SMCR8: variants seen among roughly 807,000 people sequenced by gnomAD.
SMCR8 encodes guanine nucleotide exchange protein SMCR8.
SMCR8 carries 30 observed loss-of-function variants against 56.6 expected under a neutral mutation model. The observed-to-expected ratio is 0.53, with a 90% CI of 0.40 to 0.72. SMCR8 has a LOEUF of 0.72. SMCR8 is among the 30% of genes least tolerant of loss of function. The pLI is 0.00. For missense variants in SMCR8, 1,198 were observed against 1,157.0 expected, an observed-to-expected ratio of 1.04 and a Z score of -0.51; for synonymous variants, 538 against 456.0, an observed-to-expected ratio of 1.18 and a Z score of -2.29.
In SMCR8 at chr17:18,317,011, A is replaced by T. The variant is rs569295666; in HGVS notation, c.1222A>T (p.Ile408Phe). The T allele has an allele frequency of 1.2e-6, 2 of 1,614,202 alleles. No homozygotes were observed. Among genetic ancestry groups the T allele is most frequent in the South Asian group, 1.1e-5 (1 of 91,084 alleles). ...PPSSSLEECP[I>F]PKVLISVGSY... is the part of the protein sequence containing the mutation. ...TTCCAGTTCTCTAGAAGAATGCCCA[A>T]TTCCTAAAGTGTTAATTAGTGTTGG... Residue 408 changes from isoleucine to phenylalanine, a missense_variant, in exon 1 of 2, where the codon ATT (isoleucine) becomes TTT (phenylalanine). Physicochemically the swap from Ile to Phe is conservative, Grantham distance 21. Transcript: ENST00000406438.
At chr17:18,321,628 T>C (rs1014590867) in intron 1 of SMCR8, among the ~76,000 whole-genome samples, 1 of 152,158 alleles carries the variant, frequency 6.6e-6, no homozygotes, top group African/African-American at 2.4e-5. Flanking sequence ...TCACTTGAGC[T>C]CAGCAGTTCA....
Position 18,317,377 on chromosome 17 carries a change from C to G in SMCR8, c.1588C>G (p.Pro530Ala), listed in dbSNP as rs770351008. 2.5e-6 allele frequency: 4 copies of G among 1,614,086 alleles called. No homozygotes were observed. In the Admixed American group the frequency reaches 5.0e-5, roughly 20 times the overall value. ...TACCTGCCCCTCTGAGGCCCTCATC[C>G]CTGATGACTTTAAGGCCAGCTACCC... ...LSTCPSEALI[P>A]DDFKASYPSA... is the part of the protein sequence containing the mutation. Residue 530 changes from proline to alanine, a missense_variant, in exon 1 of 2, where the codon CCT becomes GCT. Coordinates refer to ENST00000406438, the MANE Select transcript of SMCR8 (RefSeq NM_144775.3).
rs1179352747 is a variant in SMCR8 at position 18,324,472 on chromosome 17, T to G, written c.*1402T>G. On this transcript the variant is annotated 3_prime_UTR_variant, in exon 2 of 2. Coordinates refer to ENST00000406438, the MANE Select transcript of SMCR8 (RefSeq NM_144775.3). The stretch of plus-strand genomic sequence containing the variant: ...TGGGGACAGCTCTGGTATTACTGCT[T>G]CTTTAATTTGTTCCACAAAAATTAT... The G allele has an allele frequency of 1.3e-5, 2 of 152,310 alleles. No individual in the cohort carries two copies. The highest frequency in any genetic ancestry group is 2.4e-5 in the African/African-American group (1 of 41,462). 9.4% of individuals were successfully genotyped at this position (152,310 alleles called of 1,614,324 possible). A position where few individuals can be genotyped will look rare whatever the true frequency, so the allele number is the denominator to read the frequency against.
At chr17:18,321,663 A>G (rs6502647) in intron 1 of SMCR8, among the ~76,000 whole-genome samples, 115,668 of 152,206 alleles carry the variant, frequency 0.76, 45,008 homozygotes, top group African/African-American at 0.94. Flanking sequence ...AACATAGCAA[A>G]CTTCCATCTC....
Position 18,317,206 on chromosome 17 carries a change from G to A in SMCR8, c.1417G>A (p.Glu473Lys). The A allele has an allele frequency of 6.2e-7, 1 of 1,614,148 alleles. No individual in the cohort carries two copies. Among genetic ancestry groups the A allele is most frequent in the Non-Finnish European group, 8.5e-7 (1 of 1,180,050 alleles). Residue 473 changes from glutamate (E) to lysine (K), a missense_variant, in exon 1 of 2, where the codon GAA becomes AAA. Transcript: ENST00000406438. ...KGSISSGESIEVLGTEKSTSV... is the reference protein window; with the variant it reads ...KGSISSGESIKVLGTEKSTSV... ...GAGTATCAGCAGTGGTGAAAGTATT[G>A]AAGTTTTGGGCACGGAGAAATCCAC... is the stretch of plus-strand genomic sequence containing the variant.
In SMCR8 at chr17:18,318,013, A is replaced by G; in HGVS notation, c.2224A>G (p.Ile742Val). Residue 742 changes from isoleucine (I) to valine (V), a missense_variant, in exon 1 of 2, where the codon ATA becomes GTA. Ile to Val is a conservative substitution (Grantham distance 29). Coordinates refer to ENST00000406438, the MANE Select transcript of SMCR8 (RefSeq NM_144775.3). ...TGTGGTCCTGGGGGAAGATGAGGCC[A>G]TAGTCAGGAAACTCGTGACTGCACT... ...TLVVLGEDEA[I>V]VRKLVTALAI... The G allele has an allele frequency of 1.2e-6, 2 of 1,614,270 alleles. No individual in the cohort carries two copies. The highest frequency in any genetic ancestry group is 2.2e-5 in the South Asian group (2 of 91,084).
chr17:18,319,355 G>C (rs1365798307), intron 1 of SMCR8, among the ~76,000 whole-genome samples: 1 of 152,152 alleles, frequency 6.6e-6, no homozygotes, highest in African/African-American at 2.4e-5. Flanking sequence ...GCACTCAGAG[G>C]GTGGAACCGG....
rs922066360 is a variant in SMCR8, at chr17:18,327,514, C to A, written c.*4444C>A. The stretch of plus-strand genomic sequence containing the variant: ...CCACCCACAATAAAGCAAACGCCGA[C>A]AGGCTAGACCCCAGATTGCAGGGGC... On this transcript the variant is annotated 3_prime_UTR_variant, in exon 2 of 2. Transcript: ENST00000406438. The A allele has an allele frequency of 2.0e-5, 3 of 152,238 alleles. No individual in the cohort carries two copies. The highest frequency in any genetic ancestry group is 2.0e-4 in the Admixed American group (3 of 15,284). The allele number at this position is 152,238 out of a possible 1,614,324, so 9.4% of individuals were successfully genotyped here.
chr17:18,317,509 A>T lies in SMCR8; in HGVS notation c.1720A>T (p.Ile574Leu). 6.2e-7 allele frequency: 1 copy of T among 1,614,126 alleles called. No individual in the cohort carries two copies. The highest frequency in any genetic ancestry group is 8.5e-7 in the Non-Finnish European group (1 of 1,180,042). Residue 574 changes from isoleucine (I) to leucine (L), a missense_variant, in exon 1 of 2, where the codon ATA becomes TTA. Physicochemically the swap from Ile to Leu is conservative, Grantham distance 5. Transcript: ENST00000406438. Reference protein sequence around the residue: ...PELGETEEGSIENTPSQIDSS... With the variant: ...PELGETEEGSLENTPSQIDSS... ...ACTGGGTGAGACAGAGGAAGGCAGC[A>T]TAGAAAACACCCCATCACAAATAGA...
At position 18,316,872 on chromosome 17, in the gene SMCR8, T is replaced by C. The variant is rs1000839618; in HGVS notation, c.1083T>C (p.Leu361=). The C allele has an allele frequency of 2.5e-6, 4 of 1,614,080 alleles. No individual in the cohort carries two copies. The African/African-American group carries it at 5.3e-5, about 22-fold the overall frequency. The change falls in exon 1 of 2, where the codon CTT becomes CTC. Residue 361 remains leucine (L), a synonymous_variant. Transcript: ENST00000406438. ...YLLTSQIDRA[L]LKQQHITNFL... ...TGACCAGTCAGATTGATAGAGCACT[T>C]CTAAAACAACAGCATATAACAAACT...
At chr17:18,321,928 G>T (rs1428809385) in intron 1 of SMCR8, among the ~76,000 whole-genome samples, 3 of 152,262 alleles carry the variant, frequency 2.0e-5, no homozygotes, top group Non-Finnish European at 4.4e-5. Context: ...GAAAGCAGGA[G>T]AGGATCAGGG....
Position 18,324,269 on chromosome 17 carries a change from C to T in SMCR8, c.*1199C>T, listed in dbSNP as rs1291855771. ...CTCAGTCACCACAGCTCACGGCCGT[C>T]CCCAGTTGAGTCCCCCTTCTGAGGA... is the stretch of plus-strand genomic sequence containing the variant. On this transcript the variant is annotated 3_prime_UTR_variant, in exon 2 of 2. Transcript: ENST00000406438. 1 of 152,262 alleles carries T rather than the reference C, an allele frequency of 6.6e-6. No homozygotes were observed. Among genetic ancestry groups the T allele is most frequent in the Non-Finnish European group, 1.5e-5 (1 of 68,092 alleles). The allele number at this position is 152,262 out of a possible 1,614,324, so 9.4% of individuals were successfully genotyped here. A position where few individuals can be genotyped will look rare whatever the true frequency, so the allele number is the denominator to read the frequency against.
Position 18,317,933 on chromosome 17 carries a change from G to T in SMCR8, c.2144G>T (p.Arg715Leu), listed in dbSNP as rs762929413. The T allele has an allele frequency of 6.2e-7, 1 of 1,614,136 alleles. No individual in the cohort carries two copies. The highest frequency in any genetic ancestry group is 8.5e-7 in the Non-Finnish European group (1 of 1,180,032). The change falls in exon 1 of 2, where the codon CGC becomes CTC. Residue 715 changes from arginine to leucine, a missense_variant. Arg to Leu is a moderately radical substitution (Grantham distance 102). Coordinates refer to ENST00000406438, the MANE Select transcript of SMCR8 (RefSeq NM_144775.3). ...RAGQNALKFI[R>L]QYPFAHPAIY... ...GGCCAGAACGCCTTAAAATTCATCC[G>T]CCAGTACCCCTTTGCCCACCCAGCC...
rs1354056956 is a variant in SMCR8, at chr17:18,322,616, G to A, written c.2361-1G>A. On this transcript the variant is annotated splice_acceptor_variant, in intron 1 of 1. Coordinates refer to ENST00000406438, the MANE Select transcript of SMCR8 (RefSeq NM_144775.3). LOFTEE classifies it high-confidence loss of function. The stretch of plus-strand genomic sequence containing the variant: ...TCCTGACCTTGGCCTGTCTGTTTCA[G>A]AGTGGCCTCCCCTGCCGGTGCCGGT... 6.2e-7 allele frequency: 1 copy of A among 1,612,150 alleles called. No homozygotes were observed. The highest frequency in any genetic ancestry group is 1.1e-5 in the South Asian group (1 of 91,042).
chr17:18,317,978 G>T lies in SMCR8; in HGVS notation c.2189G>T (p.Gly730Val). Residue 730 changes from glycine to valine, a missense_variant, in exon 1 of 2, where the codon GGG becomes GTG. Physicochemically the swap from Gly to Val is moderately radical, Grantham distance 109. Coordinates refer to ENST00000406438, the MANE Select transcript of SMCR8 (RefSeq NM_144775.3). ...AHPAIYSLLS[G>V]RTLVVLGEDE... ...CCAGCCATCTACTCCCTGCTCAGTG[G>T]GAGGACACTTGTGGTCCTGGGGGAA... is the stretch of plus-strand genomic sequence containing the variant. The T allele has an allele frequency of 6.2e-7, 1 of 1,614,236 alleles. No homozygotes were observed.
In SMCR8 at chr17:18,318,027, C is replaced by T. The variant is rs777060922; in HGVS notation, c.2238C>T (p.Leu746=). 3.1e-6 allele frequency: 5 copies of T among 1,614,272 alleles called. No homozygotes were observed. Among genetic ancestry groups the T allele is most frequent in the African/African-American group, 1.3e-5 (1 of 75,078 alleles). Residue 746 remains leucine, a synonymous_variant, in exon 1 of 2, where the codon CTC becomes CTT. Coordinates refer to ENST00000406438, the MANE Select transcript of SMCR8 (RefSeq NM_144775.3). Reference sequence around the variant, plus strand: ...AAGATGAGGCCATAGTCAGGAAACTCGTGACTGCACTGGCTATCTTTGTCC... The same window carrying T: ...AAGATGAGGCCATAGTCAGGAAACTTGTGACTGCACTGGCTATCTTTGTCC... ...LGEDEAIVRK[L]VTALAIFVPS...
chr17:18,327,770 G>A lies in SMCR8; in HGVS notation c.*4700G>A, dbSNP rs1982726208. 6.6e-6 allele frequency: 1 copy of A among 152,574 alleles called. No individual in the cohort carries two copies. The highest frequency in any genetic ancestry group is 1.5e-5 in the Non-Finnish European group (1 of 68,036). 9.5% of individuals were successfully genotyped at this position (152,574 alleles called of 1,614,324 possible). A position where few individuals can be genotyped will look rare whatever the true frequency, so the allele number is the denominator to read the frequency against. The stretch of plus-strand genomic sequence containing the variant: ...CCACGTGAGGTGCAGTCGTTGCAGC[G>A]GCTGGTGCAGGAGTGCAGCTGGCGC... On this transcript the variant is annotated 3_prime_UTR_variant, in exon 2 of 2. Coordinates refer to ENST00000406438, the MANE Select transcript of SMCR8 (RefSeq NM_144775.3).
At chr17:18,318,933 T>A (rs1982416659) in intron 1 of SMCR8, among the ~76,000 whole-genome samples, 1 of 152,200 alleles carries the variant, frequency 6.6e-6, no homozygotes, top group Non-Finnish European at 1.5e-5. Context: ...GTGCAGATGT[T>A]GGGTGCTGGG....
At position 18,317,667 on chromosome 17, in the gene SMCR8, C is replaced by G. The variant is rs976926945; in HGVS notation, c.1878C>G (p.Phe626Leu). The G allele has an allele frequency of 1.9e-6, 3 of 1,614,206 alleles. No individual in the cohort carries two copies. The highest frequency in any genetic ancestry group is 2.5e-6 in the Non-Finnish European group (3 of 1,180,048). ...GCCACAGGCAGAAGGACCAGGGGTT[C>G]CGTGTAGACTTTTCAGTGGAAAATG... Reference protein sequence around the residue: ...PQRHRQKDQGFRVDFSVENAN... With the variant: ...PQRHRQKDQGLRVDFSVENAN... Residue 626 changes from phenylalanine (F) to leucine (L), a missense_variant, in exon 1 of 2, where the codon TTC (phenylalanine) becomes TTG (leucine). Physicochemically the swap from Phe to Leu is conservative, Grantham distance 22. Transcript: ENST00000406438.
Sources: gnomAD v4.1 joint callset for allele counts (sites outside exome capture counted in the v4.1 genomes callset) on GRCh38, gnomAD v4.1.1 for gene constraint, MANE v1.5 for transcripts, NCBI Gene and HGNC (gene_info 2026-07-23, HGNC 2026-07-21) for gene names.